Variants in LY86 observed in about 807,000 individuals in gnomAD.
LY86 encodes MD-1, RP105-associated.
Under a neutral mutation model 17.3 loss-of-function variants are expected in LY86, and 20 were observed. The observed-to-expected ratio is 1.15, with a 90% confidence interval of 0.81 to 1.68. The LOEUF (loss-of-function observed/expected upper bound fraction) is 1.68. Ranked by LOEUF, LY86 falls within the 40% of genes most tolerant of loss-of-function variation. LY86 has a pLI of 0.00. For missense variants in LY86, 200 were observed against 191.9 expected, an observed-to-expected ratio of 1.04 and a Z score of -0.25; for synonymous variants, 74 against 70.6, an observed-to-expected ratio of 1.05 and a Z score of -0.24.
In LY86 at chr6:6,633,310, C is replaced by T. The variant is rs80161218; in HGVS notation, c.352+6889C>T. ...GGTTCTCAACTGGAAGTGAACCTGG[C>T]GATTTGGGTAGAGACTCAGATTAAA... On this transcript the variant is annotated intron_variant, in intron 3 of 4. Coordinates refer to ENST00000230568, the MANE Select transcript of LY86 (RefSeq NM_004271.4). 4.4e-3 allele frequency among the ~76,000 whole-genome samples: 666 copies of T among 152,152 alleles called. 7 individuals carry two copies. The highest frequency in any genetic ancestry group is 0.015 in the African/African-American group (628 of 41,490).
intron 1 of LY86, among the ~76,000 whole-genome samples, chr6:6,615,356 T>C (rs1761527345): frequency 6.6e-6 from 1 of 152,212 alleles, no homozygotes; most frequent in African/African-American, 2.4e-5. Flanking sequence ...CCACCAATCC[T>C]GTTTAATCTC....
intron 3 of LY86, among the ~76,000 whole-genome samples, chr6:6,643,000 C>T (rs1176543990): frequency 6.6e-6 from 1 of 152,232 alleles, no homozygotes; most frequent in Non-Finnish European, 1.5e-5. Flanking sequence ...TCCCACTTTG[C>T]TCTTGGCCTC....
At position 6,613,225 on chromosome 6, in the gene LY86, C is replaced by T. The variant is rs1242457033; in HGVS notation, c.137-11701C>T. Among the ~76,000 whole-genome samples, 5 of 145,040 alleles carry T rather than the reference C, an allele frequency of 3.4e-5. No homozygotes were observed. In the East Asian group the frequency reaches 1.1e-3, roughly 32 times the overall value. ...CCCAGCTGGCTTCACCCAGTGGATCCGGCACTAGGGCCGCAGGTGGAGCTG... is the reference window on the plus strand; with the variant it reads ...CCCAGCTGGCTTCACCCAGTGGATCTGGCACTAGGGCCGCAGGTGGAGCTG... On this transcript the variant is annotated intron_variant, in intron 1 of 4. Transcript: ENST00000230568.
At chr6:6,637,590 A>G (rs1174446472) in intron 3 of LY86, among the ~76,000 whole-genome samples, 1 of 152,192 alleles carries the variant, frequency 6.6e-6, no homozygotes, top group Non-Finnish European at 1.5e-5. Flanking sequence ...TAGGAAGCTA[A>G]TTAAGATGGC....
Position 6,643,239 on chromosome 6 carries a change from A to G in LY86, c.353-6386A>G, listed in dbSNP as rs933460560. Among the ~76,000 whole-genome samples, 5 of 152,232 alleles carry G rather than the reference A, an allele frequency of 3.3e-5. No homozygotes were observed. The East Asian group carries it at 9.6e-4, about 29-fold the overall frequency. On this transcript the variant is annotated intron_variant, in intron 3 of 4. Coordinates refer to ENST00000230568, the MANE Select transcript of LY86 (RefSeq NM_004271.4). ...CCCACCGACAGTGGGAATTTCTCAC[A>G]GAATTAGTCACAGTAGCCAAGATGT...
intron 1 of LY86, among the ~76,000 whole-genome samples, chr6:6,592,238 A>T (rs551765191): frequency 6.6e-6 from 1 of 152,204 alleles, no homozygotes; most frequent in African/African-American, 2.4e-5. Flanking sequence ...AGTTTTCTGA[A>T]AAAGCAGAAG....
intron 1 of LY86, among the ~76,000 whole-genome samples, chr6:6,605,717 GGTGA>G (rs1164484425): frequency 2.0e-5 from 3 of 152,212 alleles, no homozygotes; most frequent in African/African-American, 7.2e-5. Flanking sequence ...GGAACCTCGC[GGTGA>G]GTGTTACAGT....
chr6:6,590,482 CG>C (rs1436387115), intron 1 of LY86, among the ~76,000 whole-genome samples: 1 of 151,826 alleles, frequency 6.6e-6, no homozygotes, highest in Middle Eastern at 3.2e-3. Flanking sequence ...TGAGAGTAAC[CG>C]AAACCTTGGA....
intron 1 of LY86, among the ~76,000 whole-genome samples, chr6:6,601,626 A>G (rs1169212622): frequency 1.3e-5 from 2 of 152,132 alleles, no homozygotes; most frequent in Non-Finnish European, 2.9e-5. Context: ...AGGCTGAGGC[A>G]GGAGAATGGC....
rs2113062442 is a variant in LY86 at position 6,588,724 on chromosome 6, A to G, written c.-11A>G. 1 of 1,613,516 alleles carries G rather than the reference A, an allele frequency of 6.2e-7. No individual in the cohort carries two copies. The highest frequency in any genetic ancestry group is 2.2e-5 in the East Asian group (1 of 44,852). Reference sequence around the variant, plus strand: ...GGTTATTTTTCTGTGTGTCCCATACAGGCCCCCACCATGAAGGGTTTCACA... The same window carrying G: ...GGTTATTTTTCTGTGTGTCCCATACGGGCCCCCACCATGAAGGGTTTCACA... On this transcript the variant is annotated 5_prime_UTR_variant, in exon 1 of 5. Coordinates refer to ENST00000230568, the MANE Select transcript of LY86 (RefSeq NM_004271.4).
At chr6:6,650,607 A>T (rs2113167027) in intron 4 of LY86, among the ~76,000 whole-genome samples, 1 of 152,322 alleles carries the variant, frequency 6.6e-6, no homozygotes, top group African/African-American at 2.4e-5. Flanking sequence ...TGCTGGGATT[A>T]CAGGCCCCTC....
chr6:6,648,765 G>GAAAA (rs141102342), intron 3 of LY86, among the ~76,000 whole-genome samples: 86 of 144,526 alleles, frequency 6.0e-4, no homozygotes, highest in African/African-American at 2.2e-3. Flanking sequence ...ACCCATCTTG[G>GAAAA]AAAAAAGAAA....
intron 1 of LY86, among the ~76,000 whole-genome samples, chr6:6,605,201 TG>T (rs1361153499): frequency 1.7e-4 from 26 of 152,358 alleles, no homozygotes; most frequent in South Asian, 8.3e-4. Flanking sequence ...AACAAGAATG[TG>T]TTAGATTTCT....
intron 1 of LY86, among the ~76,000 whole-genome samples, chr6:6,590,804 C>T (rs1238225356): frequency 6.6e-6 from 1 of 152,158 alleles, no homozygotes; most frequent in African/African-American, 2.4e-5. Flanking sequence ...AGTGCTTGAG[C>T]AAGTACCTGA....
At chr6:6,650,339 G>GTTTTTTTTTT (rs138255515) in intron 4 of LY86, among the ~76,000 whole-genome samples, 1 of 148,036 alleles carries the variant, frequency 6.8e-6, no homozygotes. Flanking sequence ...CTCAGATAAT[G>GTTTTTTTTTT]GTTTTTTTTT....
chr6:6,598,028 A>AT (rs1227506793), intron 1 of LY86, among the ~76,000 whole-genome samples: 2 of 152,200 alleles, frequency 1.3e-5, no homozygotes, highest in Admixed American at 1.3e-4. Flanking sequence ...GATCTTTCTT[A>AT]TTCAAAGGGC....
intron 1 of LY86, among the ~76,000 whole-genome samples, chr6:6,601,623 G>A (rs1581232908): frequency 1.3e-5 from 2 of 152,136 alleles, no homozygotes; most frequent in African/African-American, 4.8e-5. Context: ...AGGAGGCTGA[G>A]GCAGGAGAAT....
intron 3 of LY86, among the ~76,000 whole-genome samples, chr6:6,645,336 C>T (rs1762093430): frequency 6.6e-6 from 1 of 152,154 alleles, no homozygotes; most frequent in Admixed American, 6.5e-5. Context: ...CATTTCTACC[C>T]TTCCTGGGGA....
chr6:6,602,740 T>C (rs1760950565), intron 1 of LY86, among the ~76,000 whole-genome samples: 1 of 152,184 alleles, frequency 6.6e-6, no homozygotes, highest in African/African-American at 2.4e-5. Flanking sequence ...AACTGGGGTA[T>C]TGATCTATCA....
Sources: gnomAD v4.1 joint callset for allele counts (sites outside exome capture counted in the v4.1 genomes callset) on GRCh38, gnomAD v4.1.1 for gene constraint, MANE v1.5 for transcripts, NCBI Gene and HGNC (gene_info 2026-07-23, HGNC 2026-07-21) for gene names.